Variants in TTBK1 observed in about 807,000 individuals in gnomAD.
The protein encoded by TTBK1 is tau tubulin kinase 1, also known as tau-tubulin kinase 1.
In TTBK1, 34 loss-of-function variants were observed where a neutral mutation model predicts 108.5. The observed-to-expected ratio is 0.31, with a 90% CI of 0.24 to 0.42. The LOEUF is 0.42. TTBK1 is among the 10% of genes least tolerant of loss of function. The pLI, the probability that TTBK1 is intolerant of heterozygous loss-of-function variation, is 1.00. For missense variants in TTBK1, 1,539 were observed against 1,826.0 expected, an observed-to-expected ratio of 0.84 and a Z score of 2.86; for synonymous variants, 809 against 795.1, an observed-to-expected ratio of 1.02 and a Z score of -0.29.
At chr6:43,262,442 G>A (rs918157074) in intron 12 of TTBK1, among the ~76,000 whole-genome samples, 2 of 152,206 alleles carry the variant, frequency 1.3e-5, no homozygotes, top group Non-Finnish European at 2.9e-5. Flanking sequence ...AAGCTTGCCT[G>A]AGGAAGATTA....
intron 13 of TTBK1, chr6:43,271,148 G>C: frequency 1.0e-6 from 1 of 985,522 alleles, no homozygotes; most frequent in Non-Finnish European, 1.2e-6. Flanking sequence ...GAATGCGGTA[G>C]TAGTGAAGTG....
chr6:43,267,599 A>G (rs1169367091), intron 13 of TTBK1, among the ~76,000 whole-genome samples: 1 of 152,170 alleles, frequency 6.6e-6, no homozygotes, highest in Non-Finnish European at 1.5e-5. Flanking sequence ...ATTTTAAAGT[A>G]TCTATTGTTC....
chr6:43,266,667 A>G (rs1057152745), intron 13 of TTBK1, among the ~76,000 whole-genome samples: 16 of 150,310 alleles, frequency 1.1e-4, no homozygotes, highest in Non-Finnish European at 1.5e-4. Flanking sequence ...CCCAGGCTGG[A>G]GTGCAATGGC....
chr6:43,283,127 G>A lies in TTBK1; in HGVS notation c.2387G>A (p.Ser796Asn). 1.3e-6 allele frequency: 2 copies of A among 1,574,932 alleles called. No homozygotes were observed. The highest frequency in any genetic ancestry group is 1.7e-6 in the Non-Finnish European group (2 of 1,160,980). The change falls in exon 14 of 15, where the codon AGC becomes AAC. Residue 796 changes from serine to asparagine, a missense_variant. Around this residue, in one of 5 missense-constraint regions of TTBK1, gnomAD observed 1,055 missense variants for 1,086.5 expected, o/e 0.97. Transcript: ENST00000259750. This position sits in a 1 kb window ranked among gnomAD's most constrained non-coding sequence, Gnocchi z 8.1. ...TCCAGCAGTGAGGGGAGTGAGAGGA[G>A]CACTGACCGGAGCCAGGAGGGTGCC... Reference protein sequence around the residue: ...SGSSSEGSERSTDRSQEGAPS... With the variant: ...SGSSSEGSERNTDRSQEGAPS...
Position 43,285,641 on chromosome 6 carries a change from C to A in TTBK1, c.*265C>A. The A allele has an allele frequency of 3.3e-6, 1 of 307,298 alleles. No homozygotes were observed. 19.0% of individuals were successfully genotyped at this position (307,298 alleles called of 1,614,324 possible). ...TGTGTCCTCTCATCCTCCCGCCGCC[C>A]GTCAGGCCGGCCAGCCTCACATCAG... is the stretch of plus-strand genomic sequence containing the variant. On this transcript the variant is annotated 3_prime_UTR_variant, in exon 15 of 15. Transcript: ENST00000259750. This position sits in a 1 kb window ranked among gnomAD's most constrained non-coding sequence, Gnocchi z 4.7.
At position 43,246,722 on chromosome 6, in the gene TTBK1, C is replaced by T. The variant is rs773967361; in HGVS notation, c.62C>T (p.Ala21Val). The T allele has an allele frequency of 1.9e-6, 3 of 1,610,828 alleles. No individual in the cohort carries two copies. Among genetic ancestry groups the T allele is most frequent in the Non-Finnish European group, 2.5e-6 (3 of 1,178,600 alleles). Residue 21 changes from alanine (A) to valine (V), a missense_variant, in exon 2 of 15, where the codon GCC becomes GTC. This residue lies in a region of TTBK1 where 45 missense variants were observed against 38.0 expected (regional missense o/e 1.19). Coordinates refer to ENST00000259750, the MANE Select transcript of TTBK1 (RefSeq NM_032538.3). Reference protein sequence around the residue: ...ETNMSGGGEQADILPANYVVK... With the variant: ...ETNMSGGGEQVDILPANYVVK... Reference sequence around the variant, plus strand: ...AACATGAGTGGGGGAGGGGAGCAGGCCGACATCCTGCCGGCCAACTACGTG... The same window carrying T: ...AACATGAGTGGGGGAGGGGAGCAGGTCGACATCCTGCCGGCCAACTACGTG...
chr6:43,246,921 C>T (rs1388106111), intron 2 of TTBK1, among the ~76,000 whole-genome samples, 153 bp downstream of exon 2: 1 of 152,128 alleles, frequency 6.6e-6, no homozygotes, highest in Non-Finnish European at 1.5e-5. Context: ...ATTATTTTTG[C>T]CAACACGTGT....
chr6:43,279,247 G>A (rs528304824), intron 13 of TTBK1, among the ~76,000 whole-genome samples: 2 of 152,170 alleles, frequency 1.3e-5, no homozygotes, highest in East Asian at 1.9e-4. Flanking sequence ...TGTGTGTTGC[G>A]GGGGATCCCA....
chr6:43,260,547 C>A (rs954211276), intron 12 of TTBK1, among the ~76,000 whole-genome samples: 2 of 152,210 alleles, frequency 1.3e-5, no homozygotes, highest in African/African-American at 4.8e-5. Flanking sequence ...CACACTCACA[C>A]AGGTTGGCTT....
In TTBK1 at chr6:43,269,829, C is replaced by T; in HGVS notation, c.1986+6479C>T. ...CCGCTCGGCTGAGAGCAGCCCTGTG[C>T]GGGCGCCCCACCGGCGCCACGCGCC... On this transcript the variant is annotated intron_variant, in intron 13 of 14. Transcript: ENST00000259750. This position sits in a 1 kb window ranked among gnomAD's most constrained non-coding sequence, Gnocchi z 4.8. 7 of 1,537,602 alleles carry T rather than the reference C, an allele frequency of 4.6e-6. No homozygotes were observed. The highest frequency in any genetic ancestry group is 6.1e-6 in the Non-Finnish European group (7 of 1,147,296).
chr6:43,253,471 A>C lies in TTBK1; in HGVS notation c.331-97A>C. ...GTGGCCCTGGGAAAGGGCAGTGGGCACAACCCTTTGGGGTGAGGCTGGGAA... is the reference window on the plus strand; with the variant it reads ...GTGGCCCTGGGAAAGGGCAGTGGGCCCAACCCTTTGGGGTGAGGCTGGGAA... On this transcript the variant is annotated intron_variant, in intron 4 of 14. Transcript: ENST00000259750. This position sits in a 1 kb window ranked among gnomAD's most constrained non-coding sequence, Gnocchi z 5.8. 6.3e-7 allele frequency: 1 copy of C among 1,597,036 alleles called. No individual in the cohort carries two copies. The highest frequency in any genetic ancestry group is 8.5e-7 in the Non-Finnish European group (1 of 1,170,466).
rs993712087 is a variant in TTBK1 at position 43,263,426 on chromosome 6, G to A, written c.1986+76G>A. 4.5e-6 allele frequency: 6 copies of A among 1,339,516 alleles called. No individual in the cohort carries two copies. In the African/African-American group the frequency reaches 7.5e-5, roughly 17 times the overall value. 83.0% of individuals were successfully genotyped at this position (1,339,516 alleles called of 1,614,324 possible). On this transcript the variant is annotated intron_variant, in intron 13 of 14. Transcript: ENST00000259750. The surrounding 1 kb of genome is among the most constrained non-coding windows in gnomAD (Gnocchi z 4.7). ...GGTGTGTAGGCCTGGGGTGCTCCATGTGTGCTGGCACTACTGACCAGTAAG... is the reference window on the plus strand; with the variant it reads ...GGTGTGTAGGCCTGGGGTGCTCCATATGTGCTGGCACTACTGACCAGTAAG...
intron 13 of TTBK1, chr6:43,272,033 G>A: frequency 1.0e-6 from 1 of 985,490 alleles, no homozygotes; most frequent in Non-Finnish European, 1.2e-6. Context: ...AAGCACAAAG[G>A]TGAGGGGGTG....
At chr6:43,267,741 T>C (rs913525556) in intron 13 of TTBK1, among the ~76,000 whole-genome samples, 1 of 152,130 alleles carries the variant, frequency 6.6e-6, no homozygotes, top group Non-Finnish European at 1.5e-5. Context: ...GGCTAGCAAG[T>C]GTGTGATCTG....
chr6:43,252,682 G>A (rs1313437384), intron 2 of TTBK1, 57 bp from the exon 3 acceptor site: 2 of 1,589,144 alleles, frequency 1.3e-6, no homozygotes, highest in Non-Finnish European at 1.7e-6. Flanking sequence ...GCAGCAGGTG[G>A]GATGAGGAGC....
At chr6:43,258,073 T>G in intron 10 of TTBK1, 107 bp downstream of exon 10, 2 of 1,303,824 alleles carry the variant, frequency 1.5e-6, no homozygotes, top group South Asian at 3.0e-5. Flanking sequence ...CTTGGCTATC[T>G]TTCCTATCCT....
chr6:43,270,035 T>A, intron 13 of TTBK1: 1 of 1,422,250 alleles, frequency 7.0e-7, no homozygotes, highest in Non-Finnish European at 9.1e-7. Context: ...CAGGACGCAA[T>A]AATCACACAC....
intron 13 of TTBK1, chr6:43,270,913 T>C (rs1777818053): frequency 1.0e-6 from 1 of 985,366 alleles, no homozygotes; most frequent in African/African-American, 1.7e-5. Flanking sequence ...AGAAGGTGAC[T>C]CCTTCCTGTA....
Position 43,252,779 on chromosome 6 carries a change from A to G in TTBK1, c.149A>G (p.Glu50Gly). The change falls in exon 3 of 15, where the codon GAG becomes GGG. Residue 50 changes from glutamate to glycine, a missense_variant. Glu to Gly is a moderately conservative substitution (Grantham distance 98). This residue lies in a region of TTBK1 where 155 missense variants were observed against 348.5 expected (regional missense o/e 0.44). Transcript: ENST00000259750. ...IGGGGFGEIYEAMDLLTRENV... is the reference protein window; with the variant it reads ...IGGGGFGEIYGAMDLLTRENV... Reference sequence around the variant, plus strand: ...GGCGGGGGCTTTGGTGAGATCTACGAGGCCATGGACCTGCTGACCAGGGAG... The same window carrying G: ...GGCGGGGGCTTTGGTGAGATCTACGGGGCCATGGACCTGCTGACCAGGGAG... The G allele has an allele frequency of 6.2e-7, 1 of 1,614,020 alleles. No homozygotes were observed.
Sources: gnomAD v4.1 joint callset for allele counts (sites outside exome capture counted in the v4.1 genomes callset) on GRCh38, gnomAD v4.1.1 for gene constraint, gnomAD v4.1.1 regional missense constraint, Gnocchi (gnomAD v3.1) non-coding constraint, MANE v1.5 for transcripts, NCBI Gene and HGNC (gene_info 2026-07-23, HGNC 2026-07-21) for gene names.